ZNF407: variants seen among roughly 807,000 people sequenced by gnomAD.
ZNF407 encodes zinc finger protein 407.
ZNF407 carries 17 observed loss-of-function variants against 131.2 expected under a neutral mutation model. That is an observed-to-expected ratio of 0.13 (90% confidence interval 0.09 to 0.19). The LOEUF is 0.19. Among genes scored for constraint, ZNF407 ranks in the 10% least tolerant of loss-of-function variants. The probability of loss-of-function intolerance (pLI) is 1.00; values close to 1 mark genes in which losing one functional copy is unlikely to be tolerated. For missense variants in ZNF407, 2,681 were observed against 2,830.6 expected, an observed-to-expected ratio of 0.95 and a Z score of 1.20; for synonymous variants, 1,156 against 1,062.0, an observed-to-expected ratio of 1.09 and a Z score of -1.72.
chr18:74,747,149 C>T (rs1215994232), intron 3 of ZNF407, among the ~76,000 whole-genome samples: 2 of 53,204 alleles, frequency 3.8e-5, no homozygotes, highest in Non-Finnish European at 1.5e-4. Flanking sequence ...ACATTCGTTT[C>T]TAGTTTTTTT....
At chr18:74,929,952 A>G (rs1599249814) in intron 8 of ZNF407, among the ~76,000 whole-genome samples, 1 of 152,322 alleles carries the variant, frequency 6.6e-6, no homozygotes, top group East Asian at 1.9e-4. Flanking sequence ...TATATCCTTC[A>G]CCCAACTTTC....
Position 74,776,729 on chromosome 18 carries a change from T to C in ZNF407, c.4803-4699T>C, listed in dbSNP as rs377133346. ...AGTTTTGACTCCTCAAAAACGTAACTACTAACAGCCTATTGTCGATCAGAA... is the reference window on the plus strand; with the variant it reads ...AGTTTTGACTCCTCAAAAACGTAACCACTAACAGCCTATTGTCGATCAGAA... On this transcript the variant is annotated intron_variant, in intron 3 of 8. Coordinates refer to ENST00000299687, the MANE Select transcript of ZNF407 (RefSeq NM_017757.3). Among the ~76,000 whole-genome samples, 189 of 152,326 alleles carry C rather than the reference T, an allele frequency of 1.2e-3. 5 individuals are homozygous for C. In the South Asian group the frequency reaches 0.039, roughly 32 times the overall value.
intron 4 of ZNF407, among the ~76,000 whole-genome samples, chr18:74,834,085 A>G (rs368394519): frequency 1.3e-5 from 2 of 152,330 alleles, no homozygotes; most frequent in East Asian, 3.9e-4. Flanking sequence ...TCTAACCTTT[A>G]TCAAACTTTG....
chr18:74,954,995 A>G (rs953546703), intron 8 of ZNF407, among the ~76,000 whole-genome samples: 33 of 152,238 alleles, frequency 2.2e-4, no homozygotes, highest in African/African-American at 8.0e-4. Flanking sequence ...CGTGCAGTCT[A>G]CAGATGCTAT....
chr18:74,910,051 G>A (rs903088683), intron 7 of ZNF407, among the ~76,000 whole-genome samples: 7 of 152,160 alleles, frequency 4.6e-5, no homozygotes, highest in African/African-American at 1.2e-4. Flanking sequence ...AACAACTGCC[G>A]TAGTGTTACA....
chr18:74,803,977 T>A (rs1458351818), intron 4 of ZNF407: 3 of 1,551,752 alleles, frequency 1.9e-6, no homozygotes, highest in Non-Finnish European at 2.6e-6. Context: ...AAAGGTTGCA[T>A]ATCGAAAGAT....
At chr18:74,614,040 ATTAT>A (rs1983177714) in intron 1 of ZNF407, among the ~76,000 whole-genome samples, 1 of 152,196 alleles carries the variant, frequency 6.6e-6, no homozygotes, top group Non-Finnish European at 1.5e-5. Context: ...CTGGTCATGA[ATTAT>A]GGATCAGAGT....
chr18:74,617,992 C>T (rs1983387327), intron 1 of ZNF407, among the ~76,000 whole-genome samples: 1 of 152,144 alleles, frequency 6.6e-6, no homozygotes, highest in Non-Finnish European at 1.5e-5. Flanking sequence ...CATCCTTTTG[C>T]TCCTCTCTCC....
chr18:74,802,606 C>T (rs962451701), intron 4 of ZNF407, among the ~76,000 whole-genome samples: 1 of 152,066 alleles, frequency 6.6e-6, no homozygotes, highest in African/African-American at 2.4e-5. Flanking sequence ...CAGGTCAGTT[C>T]GAAAATTTTT....
chr18:74,737,457 T>C (rs1309241371), intron 3 of ZNF407, among the ~76,000 whole-genome samples: 1 of 152,240 alleles, frequency 6.6e-6, no homozygotes, highest in Non-Finnish European at 1.5e-5. Context: ...TGTACATATG[T>C]ATTAAGTAAT....
intron 3 of ZNF407, among the ~76,000 whole-genome samples, chr18:74,769,938 G>A (rs1211465744): frequency 6.6e-6 from 1 of 152,224 alleles, no homozygotes; most frequent in Non-Finnish European, 1.5e-5. Context: ...GGACAGTTGA[G>A]GGGTGAGTGT....
intron 1 of ZNF407, among the ~76,000 whole-genome samples, chr18:74,602,570 T>C (rs562657007): frequency 6.6e-6 from 1 of 152,164 alleles, no homozygotes; most frequent in Non-Finnish European, 1.5e-5. Flanking sequence ...CCTCTGTACA[T>C]AATCTCATTT....
chr18:74,686,814 C>T lies in ZNF407; in HGVS notation c.4802+45692C>T, dbSNP rs1185222192. On this transcript the variant is annotated intron_variant, in intron 3 of 8. Coordinates refer to ENST00000299687, the MANE Select transcript of ZNF407 (RefSeq NM_017757.3). The stretch of plus-strand genomic sequence containing the variant: ...AGGTAAATTTTTTCTTTACCTTAGA[C>T]CTTTTAATGTTGCAGTTTCCAATGT... Among the ~76,000 whole-genome samples the T allele has an allele frequency of 2.0e-5, 3 of 152,130 alleles. No homozygotes were observed. In the East Asian group the frequency reaches 5.8e-4, roughly 29 times the overall value.
intron 3 of ZNF407, among the ~76,000 whole-genome samples, chr18:74,748,284 C>CTTTT (rs35881659): frequency 7.2e-6 from 1 of 138,690 alleles, no homozygotes. Flanking sequence ...AAAATTCTTT[C>CTTTT]TTTTTTTTTT....
rs116305056 is a variant in ZNF407, at chr18:74,829,838, T to C, written c.4878-47359T>C. On this transcript the variant is annotated intron_variant, in intron 4 of 8. Coordinates refer to ENST00000299687, the MANE Select transcript of ZNF407 (RefSeq NM_017757.3). ...TGTTTTTTTTTTTATTTACAAAATTTTTTAATTTAAAAATTGCGGTGAATT... is the reference window on the plus strand; with the variant it reads ...TGTTTTTTTTTTTATTTACAAAATTCTTTAATTTAAAAATTGCGGTGAATT... 3.9e-3 allele frequency among the ~76,000 whole-genome samples: 598 copies of C among 152,256 alleles called. 4 individuals carry two copies. Among genetic ancestry groups the C allele is most frequent in the African/African-American group, 0.013 (555 of 41,548 alleles).
At chr18:74,807,819 A>G (rs995857345) in intron 4 of ZNF407, among the ~76,000 whole-genome samples, 2 of 152,182 alleles carry the variant, frequency 1.3e-5, no homozygotes, top group African/African-American at 2.4e-5. Flanking sequence ...TGATCATCTT[A>G]TCATTTCTGG....
chr18:74,667,165 C>T (rs1985963080), intron 3 of ZNF407, among the ~76,000 whole-genome samples: 1 of 152,204 alleles, frequency 6.6e-6, no homozygotes, highest in South Asian at 2.1e-4. Flanking sequence ...ACACCCTTCT[C>T]CACCTGCGTC....
intron 3 of ZNF407, among the ~76,000 whole-genome samples, chr18:74,732,737 C>T (rs966095021): frequency 6.6e-6 from 1 of 152,150 alleles, no homozygotes; most frequent in South Asian, 2.1e-4. Context: ...TCCTATTTCC[C>T]CCCAAAATCG....
intron 3 of ZNF407, among the ~76,000 whole-genome samples, chr18:74,722,876 C>T (rs1298520290): frequency 1.3e-5 from 2 of 152,130 alleles, no homozygotes; most frequent in African/African-American, 4.8e-5. Context: ...TTACCTCTCC[C>T]AAAGTTTCTT....
Sources: allele counts gnomAD v4.1 joint callset (sites outside exome capture counted in the v4.1 genomes callset), GRCh38; gene constraint gnomAD v4.1.1; transcripts MANE v1.5; gene names NCBI Gene and HGNC (gene_info 2026-07-23, HGNC 2026-07-21).